The following RIT2 variants were observed in gnomAD, a reference collection of about 807,000 sequenced individuals.
The protein encoded by RIT2 is Ras like without CAAX 2, also known as GTP-binding protein Rit2.
In RIT2, 24 loss-of-function variants were observed where a neutral mutation model predicts 23.7. That is an observed-to-expected ratio of 1.01 (90% CI 0.73 to 1.43). The LOEUF (loss-of-function observed/expected upper bound fraction) is 1.43, where lower values mean the gene tolerates loss of function less well. Ranked by LOEUF, RIT2 falls within the 40% of genes most tolerant of loss-of-function variation. The probability of loss-of-function intolerance (pLI) is 0.00; values close to 1 mark genes in which losing one functional copy is unlikely to be tolerated. For synonymous variants in RIT2, 107 were observed against 91.1 expected (o/e 1.17, Z -0.99); for missense variants, 236 against 266.9 (o/e 0.88, Z 0.81).
chr18:42,770,043 G>A (rs371455350), intron 4 of RIT2, among the ~76,000 whole-genome samples: 12 of 151,624 alleles, frequency 7.9e-5, no homozygotes, highest in South Asian at 2.1e-4. Flanking sequence ...AGCCTAGGCC[G>A]GGTTTGGAAA....
At chr18:42,803,302 C>G (rs1435789698) in intron 4 of RIT2, among the ~76,000 whole-genome samples, 2 of 152,128 alleles carry the variant, frequency 1.3e-5, no homozygotes, top group African/African-American at 2.4e-5. Context: ...CTTAGATCCA[C>G]CTTATTTAAT....
intron 4 of RIT2, among the ~76,000 whole-genome samples, chr18:42,773,860 G>A (rs1051915090): frequency 6.6e-6 from 1 of 151,992 alleles, no homozygotes; most frequent in Non-Finnish European, 1.5e-5. Flanking sequence ...TAACACAAAA[G>A]CTGGACTCTT....
At chr18:42,964,682 G>T (rs1245692915) in intron 3 of RIT2, among the ~76,000 whole-genome samples, 1 of 152,108 alleles carries the variant, frequency 6.6e-6, no homozygotes, top group African/African-American at 2.4e-5. Context: ...TAAATTTGGA[G>T]CCTCAAAATC....
intron 4 of RIT2, among the ~76,000 whole-genome samples, chr18:42,859,725 C>T (rs1385642520): frequency 6.6e-6 from 1 of 151,912 alleles, no homozygotes; most frequent in Non-Finnish European, 1.5e-5. Context: ...TTTTAAATCT[C>T]TTATTTGACT....
At chr18:42,956,042 A>T (rs1198977299) in intron 3 of RIT2, among the ~76,000 whole-genome samples, 4 of 152,156 alleles carry the variant, frequency 2.6e-5, no homozygotes, top group African/African-American at 9.7e-5. Flanking sequence ...ACCCTAGGTG[A>T]TTCAAGTATG....
rs138662093 is a variant in RIT2 at position 43,045,271 on chromosome 18, C to T, written c.104-11404G>A. On this transcript the variant is annotated intron_variant, in intron 1 of 4. Transcript: ENST00000326695. ...CTACATGAATGGGTGGTAGTAACTA[C>T]AGACAATTCCAAAGCATTCAGATTT... Among the ~76,000 whole-genome samples, 503 of 152,268 alleles carry T rather than the reference C, an allele frequency of 3.3e-3. 2 individuals are homozygous for T. The highest frequency in any genetic ancestry group is 0.012 in the African/African-American group (483 of 41,566).
intron 4 of RIT2, among the ~76,000 whole-genome samples, chr18:42,901,836 G>T (rs1270568907): frequency 4.0e-5 from 6 of 151,834 alleles, no homozygotes; most frequent in African/African-American, 1.4e-4. Flanking sequence ...GTTGAATTTT[G>T]CTGTATTGTC....
intron 1 of RIT2, among the ~76,000 whole-genome samples, chr18:43,092,650 T>C (rs1029505110): frequency 6.6e-6 from 1 of 152,022 alleles, no homozygotes; most frequent in African/African-American, 2.4e-5. Context: ...TGGTTGCCAA[T>C]AGGAGCCCCA....
At chr18:42,845,657 A>G (rs998502814) in intron 4 of RIT2, among the ~76,000 whole-genome samples, 1 of 149,660 alleles carries the variant, frequency 6.7e-6, no homozygotes, top group African/African-American at 2.4e-5. Flanking sequence ...TAGAAATATT[A>G]CATAAATATT....
At chr18:42,903,953 G>C (rs1908545525) in intron 4 of RIT2, among the ~76,000 whole-genome samples, 1 of 151,998 alleles carries the variant, frequency 6.6e-6, no homozygotes, top group African/African-American at 2.4e-5. Context: ...CAGAAGAAAA[G>C]TCCAAGAATT....
chr18:42,882,067 C>G (rs1220245735), intron 4 of RIT2, among the ~76,000 whole-genome samples: 1 of 152,194 alleles, frequency 6.6e-6, no homozygotes, highest in Admixed American at 6.5e-5. Flanking sequence ...GTTTACACCT[C>G]TCTATTTCAC....
intron 1 of RIT2, among the ~76,000 whole-genome samples, chr18:43,069,530 T>G (rs1912851394): frequency 6.6e-6 from 1 of 152,156 alleles, no homozygotes; most frequent in Non-Finnish European, 1.5e-5. Context: ...AGACTTGGCT[T>G]GTCTCTACCA....
chr18:42,818,323 G>C (rs1448225119), intron 4 of RIT2, among the ~76,000 whole-genome samples: 2 of 152,026 alleles, frequency 1.3e-5, no homozygotes, highest in African/African-American at 2.4e-5. Context: ...GCCTGTTTGT[G>C]CTACATATTA....
At chr18:42,780,399 A>G (rs1007642624) in intron 4 of RIT2, among the ~76,000 whole-genome samples, 1 of 152,046 alleles carries the variant, frequency 6.6e-6, no homozygotes, top group South Asian at 2.1e-4. Context: ...GATTCCTGTC[A>G]TGTAGATGGC....
intron 4 of RIT2, among the ~76,000 whole-genome samples, chr18:42,784,287 T>A (rs945414077): frequency 1.2e-4 from 17 of 147,452 alleles, no homozygotes; most frequent in Admixed American, 2.7e-4. Flanking sequence ...AAAAAAAAAA[T>A]TAATCTTAAA....
At chr18:42,901,143 A>T (rs1356113911) in intron 4 of RIT2, among the ~76,000 whole-genome samples, 1 of 152,064 alleles carries the variant, frequency 6.6e-6, no homozygotes, top group Non-Finnish European at 1.5e-5. Context: ...TTAAGAATAA[A>T]TTTGATGAGA....
chr18:42,959,875 A>G (rs1910056822), intron 3 of RIT2, among the ~76,000 whole-genome samples: 1 of 152,226 alleles, frequency 6.6e-6, no homozygotes, highest in East Asian at 1.9e-4. Flanking sequence ...GGAGATGAAC[A>G]GGCATGTGGA....
At chr18:42,832,941 C>T (rs1906500252) in intron 4 of RIT2, among the ~76,000 whole-genome samples, 1 of 150,356 alleles carries the variant, frequency 6.7e-6, no homozygotes, top group Admixed American at 6.7e-5. Context: ...GTAATCCCAG[C>T]TAGTAGGGAG....
chr18:43,093,995 G>A (rs1292429281), intron 1 of RIT2, among the ~76,000 whole-genome samples: 4 of 151,858 alleles, frequency 2.6e-5, no homozygotes, highest in Non-Finnish European at 5.9e-5. Flanking sequence ...TTGGAGAGAG[G>A]AGCAGGGGAG....
Sources: allele counts gnomAD v4.1 joint callset (sites outside exome capture counted in the v4.1 genomes callset), GRCh38; gene constraint gnomAD v4.1.1; transcripts MANE v1.5; gene names NCBI Gene and HGNC (gene_info 2026-07-23, HGNC 2026-07-21).